PFKFB3: variants seen among roughly 807,000 people sequenced by gnomAD.
The protein encoded by PFKFB3 is 6-phosphofructo-2-kinase/fructose-2,6-bisphosphatase 3.
PFKFB3 carries 33 observed loss-of-function variants against 68.0 expected under a neutral mutation model. The observed-to-expected ratio is 0.49, with a 90% CI of 0.37 to 0.65. The LOEUF (loss-of-function observed/expected upper bound fraction) is 0.65, where lower values mean the gene tolerates loss of function less well. Ranked by LOEUF, PFKFB3 falls within the 30% of genes least tolerant of loss-of-function variation. The pLI is 0.00. For missense variants in PFKFB3, 586 were observed against 712.2 expected (o/e 0.82, Z 2.02); for synonymous variants, 315 against 288.2 (o/e 1.09, Z -0.94).
intron 1 of PFKFB3, among the ~76,000 whole-genome samples, chr10:6,206,544 C>T (rs531559848): frequency 2.8e-5 from 3 of 105,542 alleles, no homozygotes; most frequent in Admixed American, 9.4e-5. Flanking sequence ...CAGAGGCGCC[C>T]CTCACCTCCC....
the PFKFB3 span, among the ~76,000 whole-genome samples, chr10:6,318,125 G>A: frequency 3.3e-5 from 5 of 152,180 alleles, no homozygotes; most frequent in Admixed American, 2.6e-4. Context: ...TGTTAGCAGG[G>A]CTGTGTCTTT....
At chr10:6,177,476 C>CTTTCTTTCTTTCTT (rs1458409795) in intron 1 of PFKFB3, among the ~76,000 whole-genome samples, 1 of 118,898 alleles carries the variant, frequency 8.4e-6, no homozygotes, top group African/African-American at 3.0e-5. Flanking sequence ...TTCTTTCTTT[C>CTTTCTTTCTTTCTT]TTTCTTTCTT....
chr10:6,198,245 CAA>C (rs58649656), upstream of PFKFB3, among the ~76,000 whole-genome samples: 14,478 of 114,358 alleles, frequency 0.13, 1,259 homozygotes, highest in African/African-American at 0.27. Flanking sequence ...GACTCCGTCT[CAA>C]AAAAAAAAAA....
intron 1 of PFKFB3, among the ~76,000 whole-genome samples, chr10:6,175,773 A>C (rs1463246782): frequency 6.6e-6 from 1 of 152,224 alleles, no homozygotes; most frequent in African/African-American, 2.4e-5. Context: ...AACCTCCCTA[A>C]TTATTCAAGA....
chr10:6,187,979 C>CTAT (rs58051845), intron 1 of PFKFB3, among the ~76,000 whole-genome samples: 1,407 of 123,138 alleles, frequency 0.011, 24 homozygotes, highest in African/African-American at 0.036. Context: ...ATCTATCTAT[C>CTAT]CATCCATCCA....
At chr10:6,254,727 C>T, downstream of PFKFB3, 1 of 175,392 alleles carries the variant, frequency 5.7e-6, no homozygotes, top group Non-Finnish European at 1.2e-5. Flanking sequence ...TAAGAGAGGC[C>T]AGGCTAAGCT....
the PFKFB3 span, among the ~76,000 whole-genome samples, chr10:6,305,456 C>T: frequency 6.6e-6 from 1 of 152,202 alleles, no homozygotes; most frequent in Non-Finnish European, 1.5e-5. Context: ...GTTGGGATTA[C>T]AGGCGTGAGC....
chr10:6,191,380 C>G (rs1843019015), intron 1 of PFKFB3, among the ~76,000 whole-genome samples: 1 of 152,218 alleles, frequency 6.6e-6, no homozygotes, highest in South Asian at 2.1e-4. Flanking sequence ...CAATCTAGGG[C>G]TCCTAGCCCC....
chr10:6,285,967 T>A, the PFKFB3 span, among the ~76,000 whole-genome samples: 2 of 147,868 alleles, frequency 1.4e-5, no homozygotes, highest in Non-Finnish European at 3.0e-5. Context: ...GACCATCCTT[T>A]CACTGTTTTT....
intron 1 of PFKFB3, among the ~76,000 whole-genome samples, chr10:6,178,193 C>T (rs566092520): frequency 3.9e-5 from 6 of 152,248 alleles, no homozygotes; most frequent in African/African-American, 7.2e-5. Context: ...ATCTGCCCAG[C>T]GTCTCTGCCC....
chr10:6,284,788 C>G, the PFKFB3 span, among the ~76,000 whole-genome samples: 37 of 152,118 alleles, frequency 2.4e-4, no homozygotes, highest in East Asian at 9.6e-4. Context: ...ACATTCTTTC[C>G]CTATAAATTT....
chr10:6,217,652 G>C (rs1844677960), intron 6 of PFKFB3, among the ~76,000 whole-genome samples: 1 of 152,134 alleles, frequency 6.6e-6, no homozygotes, highest in Non-Finnish European at 1.5e-5. Context: ...CTCTCCTCCT[G>C]CTGATGCATC....
chr10:6,309,527 C>T, the PFKFB3 span, among the ~76,000 whole-genome samples: 1 of 152,150 alleles, frequency 6.6e-6, no homozygotes, highest in Non-Finnish European at 1.5e-5. Flanking sequence ...GAAGCTGAGG[C>T]AGGAGAACCT....
chr10:6,144,988 C>T (rs1026413198), exon 1 of PFKFB3: 2 of 1,319,574 alleles, frequency 1.5e-6, no homozygotes, highest in Non-Finnish European at 9.7e-7. Context: ...CGGGGAGCGC[C>T]CCCGGCGCGA....
chr10:6,311,808 G>T, the PFKFB3 span, among the ~76,000 whole-genome samples: 1 of 152,166 alleles, frequency 6.6e-6, no homozygotes, highest in Non-Finnish European at 1.5e-5. Context: ...ACAATGGTGT[G>T]CAGTAGTAAT....
At chr10:6,216,311 C>T (rs1844577278) in intron 4 of PFKFB3, 120 bp downstream of exon 4, 1 of 969,450 alleles carries the variant, frequency 1.0e-6, no homozygotes, top group Non-Finnish European at 1.7e-6. Flanking sequence ...AGCAGGTGGC[C>T]AGGGCAGCCC....
chr10:6,174,001 G>A (rs986822509), intron 1 of PFKFB3, among the ~76,000 whole-genome samples: 1 of 152,062 alleles, frequency 6.6e-6, no homozygotes, highest in African/African-American at 2.4e-5. Flanking sequence ...TAGTAGGCAC[G>A]GAAAGAACAT....
Position 6,220,535 on chromosome 10 carries a change from C to T in PFKFB3, c.624-123C>T, listed in dbSNP as rs753550572. ...GCCCCTTAGAAGGATTCAGTCTGTG[C>T]CCTGGAGGGGCCTACGGTCCCGCCT... On this transcript the variant is annotated intron_variant, in intron 7 of 14. Coordinates refer to ENST00000379775, the MANE Select transcript of PFKFB3 (RefSeq NM_004566.4). The surrounding 1 kb of genome is among the most constrained non-coding windows in gnomAD (Gnocchi z 4.1). 14 of 799,706 alleles carry T rather than the reference C, an allele frequency of 1.8e-5. No individual in the cohort carries two copies. Among genetic ancestry groups the T allele is most frequent in the Middle Eastern group, 3.2e-4 (1 of 3,172 alleles). The allele number at this position is 799,706 out of a possible 1,614,324, so 49.5% of individuals were successfully genotyped here. A position where few individuals can be genotyped will look rare whatever the true frequency, so the allele number is the denominator to read the frequency against.
chr10:6,191,719 C>T (rs747486755), intron 1 of PFKFB3, among the ~76,000 whole-genome samples: 85 of 152,184 alleles, frequency 5.6e-4, no homozygotes, highest in Non-Finnish European at 6.5e-4. Flanking sequence ...TCTGGCCCAC[C>T]GCTGTCCACT....
Sources: gnomAD v4.1 joint callset for allele counts (sites outside exome capture counted in the v4.1 genomes callset) on GRCh38, gnomAD v4.1.1 for gene constraint, Gnocchi (gnomAD v3.1) non-coding constraint, MANE v1.5 for transcripts, NCBI Gene and HGNC (gene_info 2026-07-23, HGNC 2026-07-21) for gene names.